PLEKHA4: variants seen among roughly 807,000 people sequenced by gnomAD.
PLEKHA4 encodes pleckstrin homology domain containing A4, also known as pleckstrin homology domain-containing family A member 4.
A neutral mutation model predicts 94.7 loss-of-function variants in PLEKHA4; 73 were observed. That is an observed-to-expected ratio of 0.77 (90% CI 0.64 to 0.94). PLEKHA4 has a LOEUF of 0.94. Among genes scored for constraint, PLEKHA4 ranks in the 40% least tolerant of loss-of-function variants. PLEKHA4 has a pLI of 0.00. For synonymous variants in PLEKHA4, 449 were observed against 437.1 expected (o/e 1.03, Z -0.34); for missense variants, 1,049 against 1,054.1 (o/e 1.00, Z 0.07).
At chr19:48,846,291 C>CAA (rs369065603) in intron 14 of PLEKHA4, among the ~76,000 whole-genome samples, 1 of 144,750 alleles carries the variant, frequency 6.9e-6, no homozygotes, top group South Asian at 2.2e-4. Flanking sequence ...ACTAAAAATA[C>CAA]AAAAAAAAAA....
At position 48,841,290 on chromosome 19, in the gene PLEKHA4, C is replaced by A. The variant is rs1271861222; in HGVS notation, c.1764G>T (p.Arg588=). ...LGTKAPVARP[R]MSAQEQLERM... is the part of the protein sequence containing the mutation. ...GCTCCAGCTGCTCCTGGGCACTCAT[C>A]CGGGGCCGGGCCACCGGGGCCTAGG... is the stretch of plus-strand genomic sequence containing the variant. Residue 588 remains arginine, a synonymous_variant, in exon 17 of 20, where the codon CGG becomes CGT. Transcript: ENST00000263265. The A allele has an allele frequency of 6.2e-7, 1 of 1,611,810 alleles. No individual in the cohort carries two copies. Among genetic ancestry groups the A allele is most frequent in the South Asian group, 1.1e-5 (1 of 90,778 alleles).
At chr19:48,840,056 C>T (rs1219834170) in intron 17 of PLEKHA4, among the ~76,000 whole-genome samples, 1 of 151,454 alleles carries the variant, frequency 6.6e-6, no homozygotes, top group Non-Finnish European at 1.5e-5. Context: ...CGCAGTGAGT[C>T]GAGATTCCAC....
At position 48,859,016 on chromosome 19, in the gene PLEKHA4, C is replaced by T. The variant is rs763257058; in HGVS notation, c.816G>A (p.Pro272=). ...GAGGTCGGACATCAATGCGACTCAA[C>T]GGGGTGTGAGGTCGGGCAGGGGGTG... The part of the protein sequence containing the change: ...DTAPPARPHT[P]LSRIDVRPPL... The change falls in exon 8 of 20, where the codon CCG becomes CCA. Residue 272 remains proline, a synonymous_variant. Transcript: ENST00000263265. 2.4e-6 allele frequency: 3 copies of T among 1,248,536 alleles called. No individual in the cohort carries two copies. The highest frequency in any genetic ancestry group is 5.8e-5 in the East Asian group (1 of 17,376). The allele number at this position is 1,248,536 out of a possible 1,614,324, so 77.3% of individuals were successfully genotyped here.
intron 14 of PLEKHA4, 126 bp downstream of exon 14, chr19:48,847,774 T>A: frequency 8.9e-7 from 1 of 1,127,092 alleles, no homozygotes; most frequent in South Asian, 2.0e-5. Flanking sequence ...CTTCCAGAGG[T>A]TAGGACACTT....
chr19:48,857,499 G>C lies in PLEKHA4; in HGVS notation c.973-3C>G, dbSNP rs1450965674. ...TAAGTGGGGGAGCCAGAGTGTGCCT[G>C]GGAGGAACGTTGAAATGGAGATGTT... On this transcript the variant is annotated splice_polypyrimidine_tract_variant and splice_region_variant and intron_variant, in intron 8 of 19. Transcript: ENST00000263265. The C allele has an allele frequency of 1.3e-6, 2 of 1,547,360 alleles. No homozygotes were observed. The highest frequency in any genetic ancestry group is 1.8e-6 in the Non-Finnish European group (2 of 1,134,692).
At position 48,859,477 on chromosome 19, in the gene PLEKHA4, C is replaced by T. The variant is rs1159810996; in HGVS notation, c.684G>A (p.Arg228=). The T allele has an allele frequency of 6.2e-7, 1 of 1,613,822 alleles. No homozygotes were observed. Among genetic ancestry groups the T allele is most frequent in the South Asian group, 1.1e-5 (1 of 91,076 alleles). ...LHSGLQMRRA[R]SPDLFTPLSR... ...ATGTCCTCCCTACTCACTCGGGGCT[C>T]CTCGCCCTCCGCATCTGGAGTCCAG... is the stretch of plus-strand genomic sequence containing the variant. The change falls in exon 7 of 20, where the codon AGG becomes AGA. Residue 228 remains arginine, a synonymous_variant. Coordinates refer to ENST00000263265, the MANE Select transcript of PLEKHA4 (RefSeq NM_020904.3).
chr19:48,861,253 G>A (rs1353215058), intron 5 of PLEKHA4, 148 bp downstream of exon 5: 7 of 742,976 alleles, frequency 9.4e-6, no homozygotes, highest in Admixed American at 2.1e-5. Context: ...AACAAAACGA[G>A]GATGCAATTG....
At chr19:48,858,044 C>A (rs1441787880) in intron 8 of PLEKHA4, among the ~76,000 whole-genome samples, 1 of 152,088 alleles carries the variant, frequency 6.6e-6, no homozygotes. Context: ...CTCTCAACTT[C>A]CTCAACTACC....
intron 16 of PLEKHA4, among the ~76,000 whole-genome samples, chr19:48,841,764 G>A (rs1019340527): frequency 6.6e-6 from 1 of 151,990 alleles, no homozygotes; most frequent in Admixed American, 6.6e-5. Context: ...AGACCAGCCT[G>A]GGCAACATAG....
rs997188300 is a variant in PLEKHA4 at position 48,859,630 on chromosome 19, G to A, written c.531C>T (p.Pro177=). 1.9e-6 allele frequency: 3 copies of A among 1,612,462 alleles called. No individual in the cohort carries two copies. The highest frequency in any genetic ancestry group is 2.2e-5 in the East Asian group (1 of 44,880). Reference sequence around the variant, plus strand: ...CTCTGCTCACCTCCGGGGGACCACCGGGGCCGCCGGGGCCCTCCCCGGGCT... The same window carrying A: ...CTCTGCTCACCTCCGGGGGACCACCAGGGCCGCCGGGGCCCTCCCCGGGCT... ...RPQPGEGPGG[P]GGPPEVSRGE... is the part of the protein sequence containing the mutation. Residue 177 remains proline (P), a synonymous_variant, in exon 7 of 20, where the codon CCC becomes CCT. Transcript: ENST00000263265.
At chr19:48,866,008 C>T (rs775175574) in intron 2 of PLEKHA4, among the ~76,000 whole-genome samples, 6 of 149,580 alleles carry the variant, frequency 4.0e-5, no homozygotes, top group Non-Finnish European at 3.0e-5. Context: ...AGTGAGACTC[C>T]GTCTCAAAGA....
intron 13 of PLEKHA4, among the ~76,000 whole-genome samples, chr19:48,849,635 T>C (rs544740995): frequency 2.4e-4 from 36 of 152,226 alleles, no homozygotes; most frequent in African/African-American, 8.7e-4. Context: ...AGATACATGA[T>C]TTAGAACTTG....
At chr19:48,858,055 T>G (rs1159410131) in intron 8 of PLEKHA4, among the ~76,000 whole-genome samples, 1 of 152,138 alleles carries the variant, frequency 6.6e-6, no homozygotes, top group African/African-American at 2.4e-5. Context: ...CTCAACTACC[T>G]GCTCTCCAGC....
intron 9 of PLEKHA4, among the ~76,000 whole-genome samples, chr19:48,855,296 CA>C (rs1005712741): frequency 6.7e-6 from 1 of 150,010 alleles, no homozygotes; most frequent in African/African-American, 2.5e-5. Flanking sequence ...CTTGTGTCTG[CA>C]AAAAAAATAA....
Position 48,867,443 on chromosome 19 carries a change from T to A in PLEKHA4, c.84+94A>T. On this transcript the variant is annotated intron_variant, in intron 2 of 19. Coordinates refer to ENST00000263265, the MANE Select transcript of PLEKHA4 (RefSeq NM_020904.3). The surrounding 1 kb of genome is among the most constrained non-coding windows in gnomAD (Gnocchi z 4.7). ...GTCTGGCAGACCCCGTTGCTAAGGATCTTTGTCCTTAACAACCAGAGTCCT... is the reference window on the plus strand; with the variant it reads ...GTCTGGCAGACCCCGTTGCTAAGGAACTTTGTCCTTAACAACCAGAGTCCT... 7.2e-7 allele frequency: 1 copy of A among 1,397,852 alleles called. No individual in the cohort carries two copies. The highest frequency in any genetic ancestry group is 1.3e-5 in the South Asian group (1 of 79,350). The allele number at this position is 1,397,852 out of a possible 1,614,324, so 86.6% of individuals were successfully genotyped here.
At chr19:48,858,349 C>T (rs1315650236) in intron 8 of PLEKHA4, among the ~76,000 whole-genome samples, 1 of 152,066 alleles carries the variant, frequency 6.6e-6, no homozygotes, top group South Asian at 2.1e-4. Flanking sequence ...GGGCCAGGCG[C>T]GGTGGCTCAC....
At chr19:48,861,360 G>C (rs780018569) in intron 5 of PLEKHA4, 41 bp downstream of exon 5, 26 of 1,542,910 alleles carry the variant, frequency 1.7e-5, no homozygotes, top group Non-Finnish European at 2.2e-5. Context: ...CTCATCTCCA[G>C]TTCCCATCGC....
rs749641105 is a variant in PLEKHA4 at position 48,847,978 on chromosome 19, G to T, written c.1488C>A (p.Gly496=). 2 of 1,613,002 alleles carry T rather than the reference G, an allele frequency of 1.2e-6. No homozygotes were observed. The highest frequency in any genetic ancestry group is 1.7e-5 in the Admixed American group (1 of 59,860). ...CAGTGTGTGGGGGCGGTTTCTGGGG[G>T]CCACCCAGACCTGCCAGCGTGTCTT... is the stretch of plus-strand genomic sequence containing the variant. ...MVEDTLAGLG[G]PQKPPPHTEP... Residue 496 remains glycine (G), a synonymous_variant, in exon 14 of 20, where the codon GGC becomes GGA. Transcript: ENST00000263265.
At chr19:48,862,997 C>G (rs2036702306) in intron 3 of PLEKHA4, among the ~76,000 whole-genome samples, 1 of 152,186 alleles carries the variant, frequency 6.6e-6, no homozygotes, top group Non-Finnish European at 1.5e-5. Context: ...CACAGAGAGG[C>G]CAGGAAGGTG....
Sources: gnomAD v4.1 joint callset for allele counts (sites outside exome capture counted in the v4.1 genomes callset) on GRCh38, gnomAD v4.1.1 for gene constraint, Gnocchi (gnomAD v3.1) non-coding constraint, MANE v1.5 for transcripts, NCBI Gene and HGNC (gene_info 2026-07-23, HGNC 2026-07-21) for gene names.